CDH18: variants seen among roughly 807,000 people sequenced by gnomAD.
CDH18 encodes cadherin 18.
A neutral mutation model predicts 67.9 loss-of-function variants in CDH18; 31 were observed. The observed-to-expected ratio is 0.46, with a 90% CI of 0.34 to 0.62. CDH18 has a LOEUF of 0.62. Among genes scored for constraint, CDH18 ranks in the 20% least tolerant of loss-of-function variants. The pLI is 0.01. For missense variants in CDH18, 890 were observed against 975.5 expected (o/e 0.91, Z 1.17); for synonymous variants, 362 against 347.2 (o/e 1.04, Z -0.48).
intron 1 of CDH18, among the ~76,000 whole-genome samples, chr5:19,986,597 G>T (rs1799587372): frequency 6.6e-6 from 1 of 152,102 alleles, no homozygotes; most frequent in African/African-American, 2.4e-5. Flanking sequence ...GTCTTCTAGG[G>T]GAAGTGCATC....
chr5:19,533,716 A>G (rs1749005595), intron 9 of CDH18, among the ~76,000 whole-genome samples: 1 of 152,144 alleles, frequency 6.6e-6, no homozygotes. Flanking sequence ...GAGACTTGGC[A>G]TGGACAGTGC....
chr5:19,531,633 AC>A, intron 9 of CDH18, among the ~76,000 whole-genome samples: 1 of 151,818 alleles, frequency 6.6e-6, no homozygotes, highest in Non-Finnish European at 1.5e-5. Flanking sequence ...ACACACACAC[AC>A]ACACAAACAA....
intron 1 of CDH18, among the ~76,000 whole-genome samples, chr5:20,566,967 G>A (rs1422714055): frequency 6.6e-6 from 1 of 152,104 alleles, no homozygotes; most frequent in African/African-American, 2.4e-5. Context: ...GTTCAATACT[G>A]TATTGAAGGC....
Position 19,875,357 on chromosome 5 carries a change from C to T in CDH18, c.-256-36115G>A, listed in dbSNP as rs567159801. On this transcript the variant is annotated intron_variant, in intron 2 of 12. Transcript: ENST00000382275. Reference sequence around the variant, plus strand: ...ACCTATGTAACTGGGGAATCCCAGGCTTTGTACTTGAAAATATTCTTCTAT... The same window carrying T: ...ACCTATGTAACTGGGGAATCCCAGGTTTTGTACTTGAAAATATTCTTCTAT... Among the ~76,000 whole-genome samples the T allele has an allele frequency of 3.9e-5, 6 of 152,056 alleles. No homozygotes were observed. The East Asian group carries it at 1.2e-3, about 29-fold the overall frequency.
intron 2 of CDH18, among the ~76,000 whole-genome samples, chr5:20,218,288 A>G (rs76569912): frequency 0.023 from 3,547 of 152,102 alleles, 127 homozygotes; most frequent in African/African-American, 0.08. Context: ...GTTTTAAAAA[A>G]TAAAAAATAT....
At chr5:20,416,851 C>G (rs1311796263) in intron 1 of CDH18, among the ~76,000 whole-genome samples, 1 of 151,844 alleles carries the variant, frequency 6.6e-6, no homozygotes, top group Admixed American at 6.6e-5. Flanking sequence ...AAAAATAATT[C>G]CAGGATCAGT....
intron 3 of CDH18, among the ~76,000 whole-genome samples, chr5:19,754,989 C>T (rs1367925700): frequency 6.6e-6 from 1 of 151,808 alleles, no homozygotes; most frequent in Non-Finnish European, 1.5e-5. Flanking sequence ...CCTATCAAAA[C>T]CTCTGGGATA....
At chr5:19,543,551 T>C (rs968325092) in intron 9 of CDH18, among the ~76,000 whole-genome samples, 1 of 152,152 alleles carries the variant, frequency 6.6e-6, no homozygotes, top group Non-Finnish European at 1.5e-5. Context: ...AATGACTTGA[T>C]AGTGTAAGTA....
At chr5:20,202,571 CA>C (rs1379603351) in intron 2 of CDH18, among the ~76,000 whole-genome samples, 1 of 151,850 alleles carries the variant, frequency 6.6e-6, no homozygotes, top group Non-Finnish European at 1.5e-5. Flanking sequence ...TTATTAGAGG[CA>C]AAAACTAGAG....
intron 1 of CDH18, among the ~76,000 whole-genome samples, chr5:20,343,862 A>G (rs1189149389): frequency 7.9e-5 from 12 of 152,140 alleles, no homozygotes; most frequent in African/African-American, 2.7e-4. Context: ...TTTTCCTTCC[A>G]TGGGAAGTGG....
intron 1 of CDH18, among the ~76,000 whole-genome samples, chr5:19,984,224 T>C (rs1799340171): frequency 6.6e-6 from 1 of 152,040 alleles, no homozygotes. Context: ...TAAAAATATA[T>C]AATTTTAGTT....
At chr5:19,630,205 G>A (rs1752217168) in intron 5 of CDH18, among the ~76,000 whole-genome samples, 1 of 152,064 alleles carries the variant, frequency 6.6e-6, no homozygotes, top group African/African-American at 2.4e-5. Context: ...GCCTCCCAAA[G>A]TGCTGGGAAT....
chr5:20,066,618 T>C (rs1354965679), intron 2 of CDH18, among the ~76,000 whole-genome samples: 1 of 152,034 alleles, frequency 6.6e-6, no homozygotes, highest in Non-Finnish European at 1.5e-5. Flanking sequence ...TCCAATTTTG[T>C]TTTCTTTTCC....
chr5:20,186,740 A>G (rs916382103), intron 2 of CDH18, among the ~76,000 whole-genome samples: 10 of 126,488 alleles, frequency 7.9e-5, no homozygotes, highest in African/African-American at 2.0e-4. Flanking sequence ...AAAATGATAT[A>G]GCAATTCCTT....
chr5:20,064,300 C>T (rs967108548), intron 2 of CDH18, among the ~76,000 whole-genome samples: 5 of 152,042 alleles, frequency 3.3e-5, no homozygotes, highest in Non-Finnish European at 5.9e-5. Flanking sequence ...ATGACATTTT[C>T]CCTGTTTTAT....
intron 5 of CDH18, among the ~76,000 whole-genome samples, chr5:19,712,445 C>G (rs1369410369): frequency 6.6e-6 from 1 of 151,774 alleles, no homozygotes; most frequent in African/African-American, 2.4e-5. Context: ...AACAAAAGGG[C>G]TACTGCTATG....
chr5:19,884,437 A>T (rs1159393690), intron 2 of CDH18, among the ~76,000 whole-genome samples: 1 of 152,104 alleles, frequency 6.6e-6, no homozygotes, highest in South Asian at 2.1e-4. Context: ...CTTTGAGGCT[A>T]ATTTCTATTT....
At chr5:19,605,623 T>C (rs1433637841) in intron 6 of CDH18, among the ~76,000 whole-genome samples, 2 of 152,000 alleles carry the variant, frequency 1.3e-5, no homozygotes, top group African/African-American at 4.8e-5. Context: ...AAAACAACTC[T>C]AAAAGATGCA....
intron 2 of CDH18, among the ~76,000 whole-genome samples, chr5:19,971,945 T>C (rs1561658554): frequency 6.6e-6 from 1 of 152,046 alleles, no homozygotes; most frequent in Non-Finnish European, 1.5e-5. Context: ...GTCTCCATTA[T>C]ACCAGTAAGA....
Sources: allele counts gnomAD v4.1 joint callset (sites outside exome capture counted in the v4.1 genomes callset), GRCh38; gene constraint gnomAD v4.1.1; transcripts MANE v1.5; gene names NCBI Gene and HGNC (gene_info 2026-07-23, HGNC 2026-07-21).